The following TSHZ2 variants were observed in gnomAD, a reference collection of about 807,000 sequenced individuals.
The protein encoded by TSHZ2 is teashirt homolog 2.
Under a neutral mutation model 74.4 loss-of-function variants are expected in TSHZ2, and 21 were observed. The observed-to-expected ratio is 0.28, with a 90% CI of 0.20 to 0.41. The LOEUF (loss-of-function observed/expected upper bound fraction) is 0.41, where lower values mean the gene tolerates loss of function less well. TSHZ2 is among the 10% of genes least tolerant of loss of function. TSHZ2 has a pLI of 1.00. For synonymous variants in TSHZ2, 540 were observed against 515.3 expected (o/e 1.05, Z -0.65); for missense variants, 1,244 against 1,293.5 (o/e 0.96, Z 0.59).
At chr20:53,241,131 T>C (rs1431593234) in intron 1 of TSHZ2, among the ~76,000 whole-genome samples, 2 of 152,198 alleles carry the variant, frequency 1.3e-5, no homozygotes, top group Admixed American at 1.3e-4. Context: ...CTCTTGGAAA[T>C]ATCATTCTTA....
chr20:53,221,054 A>T (rs1989542645), intron 1 of TSHZ2, among the ~76,000 whole-genome samples: 1 of 152,224 alleles, frequency 6.6e-6, no homozygotes. Context: ...TAACTGAATC[A>T]TAGGGGTGGT....
intron 1 of TSHZ2, among the ~76,000 whole-genome samples, chr20:52,976,362 GA>G (rs539446457): frequency 1.3e-4 from 20 of 151,338 alleles, no homozygotes; most frequent in Non-Finnish European, 2.1e-4. Context: ...CTTAGGGCAA[GA>G]AAAAAAAAGT....
intron 2 of TSHZ2, chr20:53,453,112 T>C (rs1483394621): frequency 6.6e-6 from 1 of 152,240 alleles, no homozygotes; most frequent in Non-Finnish European, 1.5e-5. Context: ...TATTCGTCTG[T>C]ATGGCACAAA....
At chr20:53,440,400 C>T (rs1449735307) in intron 2 of TSHZ2, among the ~76,000 whole-genome samples, 2 of 152,302 alleles carry the variant, frequency 1.3e-5, no homozygotes, top group East Asian at 1.9e-4. Flanking sequence ...GAATTGTCAC[C>T]CATTTCTGAT....
intron 1 of TSHZ2, among the ~76,000 whole-genome samples, chr20:53,126,732 G>A (rs1364280036): frequency 1.3e-5 from 2 of 152,146 alleles, no homozygotes; most frequent in Non-Finnish European, 2.9e-5. Flanking sequence ...TTACAAAAAA[G>A]TAAAATATGA....
chr20:53,420,569 A>G (rs1001403020), intron 2 of TSHZ2, among the ~76,000 whole-genome samples: 5 of 152,124 alleles, frequency 3.3e-5, no homozygotes, highest in African/African-American at 1.2e-4. Flanking sequence ...TACTAAAAAT[A>G]CAAAAAATTA....
At chr20:53,024,488 C>T (rs1983362645) in intron 1 of TSHZ2, among the ~76,000 whole-genome samples, 1 of 151,852 alleles carries the variant, frequency 6.6e-6, no homozygotes, top group Non-Finnish European at 1.5e-5. Context: ...TGTGCACTTG[C>T]TCTTGCAGAT....
At chr20:53,108,887 C>G (rs558059931) in intron 1 of TSHZ2, among the ~76,000 whole-genome samples, 1 of 151,388 alleles carries the variant, frequency 6.6e-6, no homozygotes, top group African/African-American at 2.4e-5. Flanking sequence ...CAATTTCATA[C>G]CATTAATTTC....
chr20:53,426,300 C>T (rs1983652798), intron 2 of TSHZ2, among the ~76,000 whole-genome samples: 2 of 152,076 alleles, frequency 1.3e-5, no homozygotes, highest in Admixed American at 1.3e-4. Context: ...TAAAATTGAA[C>T]ATGAAAAATA....
At chr20:53,433,442 GC>G (rs1482357579) in intron 2 of TSHZ2, among the ~76,000 whole-genome samples, 4 of 64,076 alleles carry the variant, frequency 6.2e-5, no homozygotes, top group African/African-American at 1.5e-4. Context: ...GAAGGCTGAG[GC>G]TGGTGGAGGA....
intron 2 of TSHZ2, among the ~76,000 whole-genome samples, chr20:53,315,961 G>A (rs144838068): frequency 7.9e-5 from 12 of 152,212 alleles, no homozygotes; most frequent in South Asian, 4.1e-4. Flanking sequence ...AAAAGGAGCC[G>A]AGGAGGACAT....
At chr20:53,384,000 G>A (rs1039044200) in intron 2 of TSHZ2, among the ~76,000 whole-genome samples, 9 of 152,162 alleles carry the variant, frequency 5.9e-5, no homozygotes, top group Admixed American at 5.2e-4. Context: ...TCTTCCGGAT[G>A]ACATGTGAGT....
intron 2 of TSHZ2, among the ~76,000 whole-genome samples, chr20:53,291,472 C>CAACAAAAAAAAAAAAAAAAAAAAA (rs1991276313): frequency 9.8e-6 from 1 of 101,724 alleles, no homozygotes; most frequent in Non-Finnish European, 2.1e-5. Flanking sequence ...GACTCTGTCT[C>CAACAAAAAAAAAAAAAAAAAAAAA]AAAAAAAAAA....
At chr20:53,253,426 A>G (rs986562464) in intron 1 of TSHZ2, 73 bp from the exon 2 acceptor site, 2 of 1,512,446 alleles carry the variant, frequency 1.3e-6, no homozygotes, top group Non-Finnish European at 1.8e-6. Flanking sequence ...GGAAGCACTT[A>G]GTCTATGTGA....
intron 1 of TSHZ2, among the ~76,000 whole-genome samples, chr20:53,148,286 T>C (rs1334325181): frequency 6.6e-6 from 1 of 152,222 alleles, no homozygotes; most frequent in Admixed American, 6.5e-5. Flanking sequence ...CATTCTGCAT[T>C]GTCTGGGACA....
intron 1 of TSHZ2, among the ~76,000 whole-genome samples, chr20:53,194,495 C>T (rs1988812626): frequency 2.6e-5 from 4 of 152,220 alleles, no homozygotes; most frequent in Admixed American, 2.6e-4. Flanking sequence ...CTCCGACTTT[C>T]AGCATCATCC....
intron 2 of TSHZ2, among the ~76,000 whole-genome samples, chr20:53,396,847 G>GAA (rs3042187): frequency 0.11 from 12,404 of 116,480 alleles, 1,328 homozygotes; most frequent in African/African-American, 0.27. Flanking sequence ...GCAATACCCT[G>GAA]AAAAAAAAAA....
intron 2 of TSHZ2, among the ~76,000 whole-genome samples, chr20:53,470,792 G>C (rs1318103407): frequency 6.6e-6 from 1 of 151,526 alleles, no homozygotes; most frequent in Non-Finnish European, 1.5e-5. Context: ...CAGCCTGGAT[G>C]ATAGAGCAAA....
intron 1 of TSHZ2, among the ~76,000 whole-genome samples, chr20:53,220,904 A>T (rs1234498352): frequency 6.6e-6 from 1 of 152,360 alleles, no homozygotes; most frequent in South Asian, 2.1e-4. Context: ...AAGCTCAGAG[A>T]TTGCCATCTG....
Sources: gnomAD v4.1 joint callset for allele counts (sites outside exome capture counted in the v4.1 genomes callset) on GRCh38, gnomAD v4.1.1 for gene constraint, MANE v1.5 for transcripts, NCBI Gene and HGNC (gene_info 2026-07-23, HGNC 2026-07-21) for gene names.